The following SEC14L1 variants were observed in gnomAD, a reference collection of about 807,000 sequenced individuals.
The protein encoded by SEC14L1 is SEC14-like protein 1.
SEC14L1 carries 48 observed loss-of-function variants against 85.3 expected under a neutral mutation model. That is an observed-to-expected ratio of 0.56 (90% CI 0.45 to 0.72). SEC14L1 has a LOEUF of 0.72. Among genes scored for constraint, SEC14L1 ranks in the 30% least tolerant of loss-of-function variants. The pLI, the probability that SEC14L1 is intolerant of heterozygous loss-of-function variation, is 0.00. For missense variants in SEC14L1, 682 were observed against 921.4 expected (o/e 0.74, Z 3.36); for synonymous variants, 391 against 355.5 (o/e 1.10, Z -1.12).
intron 3 of SEC14L1, among the ~76,000 whole-genome samples, chr17:77,164,959 TC>T (rs1974221553): frequency 6.6e-6 from 1 of 152,196 alleles, no homozygotes; most frequent in African/African-American, 2.4e-5. Context: ...TTCTTTCTCT[TC>T]CAAGTAGATC....
intron 3 of SEC14L1, among the ~76,000 whole-genome samples, chr17:77,103,777 C>G (rs952621900): frequency 4.1e-5 from 2 of 48,998 alleles, no homozygotes; most frequent in African/African-American, 2.0e-4. Flanking sequence ...TCCTCCTACG[C>G]CTGGATTTGT....
chr17:77,095,334 T>C (rs1448518879), intron 3 of SEC14L1, among the ~76,000 whole-genome samples: 1 of 152,160 alleles, frequency 6.6e-6, no homozygotes, highest in East Asian at 1.9e-4. Context: ...AGTCTGCCAG[T>C]AACAGGGAAA....
intron 14 of SEC14L1, 22 bp downstream of exon 14, chr17:77,209,498 ACCTGGGCCGG>A: frequency 6.2e-7 from 1 of 1,610,954 alleles, no homozygotes; most frequent in Non-Finnish European, 8.5e-7. Context: ...GCCTTCCTGC[ACCTGGGCCGG>A]CCCTTCCTCC....
In SEC14L1 at chr17:77,143,534, TGGTTACTTATCACATATATTTA is replaced by T; in HGVS notation, c.-30-32_-30-11del. Reference sequence around the variant, plus strand: ...TTACTAATAATTTGTTTCTGCATTGTGGTTACTTATCACATATATTTATGTTTTGCAGGTGTGAGAGGGTTGC... The same window carrying T: ...TTACTAATAATTTGTTTCTGCATTGTTGTTTTGCAGGTGTGAGAGGGTTGC... On this transcript the variant is annotated splice_polypyrimidine_tract_variant and intron_variant, in intron 2 of 16. Transcript: ENST00000436233. 1.5e-6 allele frequency: 2 copies of T among 1,341,268 alleles called. No homozygotes were observed. The highest frequency in any genetic ancestry group is 2.1e-6 in the Non-Finnish European group (2 of 935,330). The allele number at this position is 1,341,268 out of a possible 1,614,324, so 83.1% of individuals were successfully genotyped here.
chr17:77,214,409 T>C lies in SEC14L1; in HGVS notation c.*386T>C, dbSNP rs534724109. ...GAATTCCTGTGACATCCTCCAGAGA[T>C]GGCCCCTCCTCACCTGGGACGGAAG... On this transcript the variant is annotated 3_prime_UTR_variant, in exon 17 of 17. Coordinates refer to ENST00000436233, the MANE Select transcript of SEC14L1 (RefSeq NM_001143998.2). The C allele has an allele frequency of 4.3e-5, 43 of 1,004,208 alleles. No homozygotes were observed. Among genetic ancestry groups the C allele is most frequent in the Non-Finnish European group, 5.0e-5 (42 of 840,606 alleles). 62.2% of individuals were successfully genotyped at this position (1,004,208 alleles called of 1,614,324 possible). A position where few individuals can be genotyped will look rare whatever the true frequency, so the allele number is the denominator to read the frequency against.
At chr17:77,089,709 G>T (rs1186660132) in intron 2 of SEC14L1, 1 of 328,408 alleles carries the variant, frequency 3.0e-6, no homozygotes, top group South Asian at 2.5e-5. Context: ...AAGGTTAAAT[G>T]ATCACACTTA....
intron 3 of SEC14L1, among the ~76,000 whole-genome samples, chr17:77,176,769 TA>T (rs147557742): frequency 0.011 from 1,684 of 152,286 alleles, 74 homozygotes; most frequent in East Asian, 0.088. Flanking sequence ...GTATTTTTAG[TA>T]GAGACGGGGT....
chr17:77,100,519 C>T (rs1971754922), intron 3 of SEC14L1, among the ~76,000 whole-genome samples: 1 of 140,382 alleles, frequency 7.1e-6, no homozygotes, highest in Non-Finnish European at 1.5e-5. Flanking sequence ...TCACTGAAAC[C>T]TCTGCCTCCT....
chr17:77,129,628 G>T (rs141296856), intron 3 of SEC14L1, among the ~76,000 whole-genome samples: 2 of 152,130 alleles, frequency 1.3e-5, no homozygotes, highest in South Asian at 4.1e-4. Flanking sequence ...ACGTGGGAGA[G>T]CTCTGGCCTC....
At chr17:77,185,261 G>A (rs1975215793) in intron 3 of SEC14L1, 4 of 985,384 alleles carry the variant, frequency 4.1e-6, no homozygotes, top group South Asian at 4.7e-5. Context: ...TGTGGAGGGA[G>A]TAAGGGAGGC....
chr17:77,175,790 C>T (rs368768729), intron 3 of SEC14L1, among the ~76,000 whole-genome samples: 1 of 152,316 alleles, frequency 6.6e-6, no homozygotes, highest in South Asian at 2.1e-4. Context: ...GTGCCTGTTG[C>T]TGCCTCTGGG....
intron 3 of SEC14L1, among the ~76,000 whole-genome samples, chr17:77,167,381 C>T (rs554266747): frequency 6.6e-6 from 1 of 152,292 alleles, no homozygotes; most frequent in Non-Finnish European, 1.5e-5. Context: ...GTGATCCACC[C>T]ACCTTGGCCT....
chr17:77,123,739 C>T (rs948737092), intron 3 of SEC14L1, among the ~76,000 whole-genome samples: 8 of 152,158 alleles, frequency 5.3e-5, no homozygotes, highest in African/African-American at 1.9e-4. Context: ...AAGTCAGTCC[C>T]TGGCAGGGGG....
At chr17:77,106,958 C>T (rs540558044) in intron 3 of SEC14L1, among the ~76,000 whole-genome samples, 3 of 152,352 alleles carry the variant, frequency 2.0e-5, no homozygotes, top group East Asian at 3.9e-4. Flanking sequence ...TGCTTGTATC[C>T]GGCCACCAGG....
In SEC14L1 at chr17:77,197,193, G is replaced by A. The variant is rs117053574; in HGVS notation, c.819+882G>A. Among the ~76,000 whole-genome samples the A allele has an allele frequency of 4.0e-3, 612 of 152,306 alleles. 7 individuals are homozygous for A. Among genetic ancestry groups the A allele is most frequent in the Admixed American group, 0.031 (472 of 15,296 alleles). On this transcript the variant is annotated intron_variant, in intron 8 of 16. Transcript: ENST00000436233. Reference sequence around the variant, plus strand: ...AGGCCACATGCTTTTGAGTTATTTCGCAGGAGTTGGGGTCATGAATAGCTC... The same window carrying A: ...AGGCCACATGCTTTTGAGTTATTTCACAGGAGTTGGGGTCATGAATAGCTC...
intron 11 of SEC14L1, 61 bp downstream of exon 11, chr17:77,205,407 G>T (rs966965471): frequency 1.4e-6 from 2 of 1,435,552 alleles, no homozygotes; most frequent in African/African-American, 2.8e-5. Flanking sequence ...AATATTTCTA[G>T]TTGATTTTTG....
chr17:77,181,426 T>G (rs1975030999), intron 3 of SEC14L1, among the ~76,000 whole-genome samples: 1 of 152,242 alleles, frequency 6.6e-6, no homozygotes, highest in Non-Finnish European at 1.5e-5. Flanking sequence ...TTGTTTTTGT[T>G]TTTGAGACAG....
intron 3 of SEC14L1, among the ~76,000 whole-genome samples, chr17:77,177,612 T>G (rs558513835): frequency 6.6e-6 from 1 of 152,210 alleles, no homozygotes; most frequent in South Asian, 2.1e-4. Context: ...GGAATAGTGT[T>G]TGTCTTTAAC....
chr17:77,193,391 T>G (rs967541107), intron 5 of SEC14L1, 30 bp from the exon 6 acceptor site: 16 of 1,569,316 alleles, frequency 1.0e-5, no homozygotes, highest in Non-Finnish European at 1.4e-5. Flanking sequence ...GTCAATTCAG[T>G]CAGTGAGAGT....
Sources: gnomAD v4.1 joint callset for allele counts (sites outside exome capture counted in the v4.1 genomes callset) on GRCh38, gnomAD v4.1.1 for gene constraint, MANE v1.5 for transcripts, NCBI Gene and HGNC (gene_info 2026-07-23, HGNC 2026-07-21) for gene names.